GBE1: variants seen among roughly 807,000 people sequenced by gnomAD.
The protein encoded by GBE1 is 1,4-alpha-glucan branching enzyme 1.
Under a neutral mutation model 88.8 loss-of-function variants are expected in GBE1, and 70 were observed. The ratio of observed to expected loss-of-function variants is 0.79; its 90% CI spans 0.65 to 0.96. The LOEUF (loss-of-function observed/expected upper bound fraction) is 0.96, where lower values mean the gene tolerates loss of function less well. Ranked by LOEUF, GBE1 falls within the 40% of genes least tolerant of loss-of-function variation. The probability of loss-of-function intolerance (pLI) is 0.00; values close to 1 mark genes in which losing one functional copy is unlikely to be tolerated. For missense variants in GBE1, 872 were observed against 871.0 expected, an observed-to-expected ratio of 1.00 and a Z score of -0.01; for synonymous variants, 284 against 300.1, an observed-to-expected ratio of 0.95 and a Z score of 0.56.
At chr3:81,591,821 T>C (rs1703882274) in intron 8 of GBE1, among the ~76,000 whole-genome samples, 1 of 152,122 alleles carries the variant, frequency 6.6e-6, no homozygotes. Flanking sequence ...ATCAGCCTTT[T>C]ACCATTTCTC....
chr3:81,728,243 A>T (rs1706138983), intron 1 of GBE1, among the ~76,000 whole-genome samples: 1 of 152,176 alleles, frequency 6.6e-6, no homozygotes, highest in African/African-American at 2.4e-5. Flanking sequence ...CTGTCATCCT[A>T]AAGATAAGTA....
intron 2 of GBE1, among the ~76,000 whole-genome samples, chr3:81,698,518 T>A (rs1428740303): frequency 6.6e-6 from 1 of 152,262 alleles, no homozygotes; most frequent in African/African-American, 2.4e-5. Flanking sequence ...CTTTTCTTTT[T>A]AAGTTCATAC....
rs1553696675 is a variant in GBE1, at chr3:81,750,682, T to TATAC, written c.143+10692_143+10693insGTAT. Among the ~76,000 whole-genome samples, 8 of 73,700 alleles carry TATAC rather than the reference T, an allele frequency of 1.1e-4. No homozygotes were observed. The East Asian group carries it at 2.1e-3, about 19-fold the overall frequency. The allele number at this position is 73,700 out of a possible 152,430, so 48.4% of individuals were successfully genotyped here. ...ATGTATATATATATATACGTATATA[T>TATAC]ATATATATATATGTATTTTTTTTTT... On this transcript the variant is annotated intron_variant, in intron 1 of 15. Transcript: ENST00000429644.
At chr3:81,755,898 A>T (rs561182520) in intron 1 of GBE1, among the ~76,000 whole-genome samples, 2 of 152,142 alleles carry the variant, frequency 1.3e-5, no homozygotes, top group Non-Finnish European at 1.5e-5. Context: ...TAAAAATGGT[A>T]AAAATGGTGA....
chr3:81,702,111 GTGTGTGTGTGTGT>G lies in GBE1; in HGVS notation c.313+3320_313+3332del, dbSNP rs1346885014. Among the ~76,000 whole-genome samples the G allele has an allele frequency of 1.6e-4, 3 of 19,114 alleles. No homozygotes were observed. The African/African-American group carries it at 2.8e-3, about 18-fold the overall frequency. 12.5% of individuals were successfully genotyped at this position (19,114 alleles called of 152,430 possible). A position where few individuals can be genotyped will look rare whatever the true frequency, so the allele number is the denominator to read the frequency against. ...AGAGAGAGAGAGAGAGAGTGTGTGTGTGTGTGTGTGTGTGTGTGTGTGTGTGTGTGTGTGTGTG... is the reference window on the plus strand; with the variant it reads ...AGAGAGAGAGAGAGAGAGTGTGTGTGGTGTGTGTGTGTGTGTGTGTGTGTG... On this transcript the variant is annotated intron_variant, in intron 2 of 15. Transcript: ENST00000429644.
At chr3:81,490,719 T>A (rs1464434486) in intron 15 of GBE1, among the ~76,000 whole-genome samples, 1 of 152,020 alleles carries the variant, frequency 6.6e-6, no homozygotes, top group Non-Finnish European at 1.5e-5. Context: ...AAGAATGACG[T>A]GAATGGCCCT....
chr3:81,650,099 T>C (rs1704823638), intron 3 of GBE1, 178 bp from the exon 4 acceptor site: 1 of 471,836 alleles, frequency 2.1e-6, no homozygotes, highest in Non-Finnish European at 3.7e-6. Flanking sequence ...TCTCATCTGC[T>C]GTTACTATAT....
intron 5 of GBE1, among the ~76,000 whole-genome samples, chr3:81,647,872 A>C (rs1704788840): frequency 6.6e-6 from 1 of 152,128 alleles, no homozygotes; most frequent in African/African-American, 2.4e-5. Flanking sequence ...CTTTCATTCC[A>C]GGTACTAGGC....
rs552731917 is a variant in GBE1, at chr3:81,585,643, T to C, written c.1335+449A>G. Among the ~76,000 whole-genome samples the C allele has an allele frequency of 2.9e-4, 44 of 152,282 alleles. 1 individual carries two copies. Among genetic ancestry groups the C allele is most frequent in the African/African-American group, 8.2e-4 (34 of 41,566 alleles). On this transcript the variant is annotated intron_variant, in intron 10 of 15. Coordinates refer to ENST00000429644, the MANE Select transcript of GBE1 (RefSeq NM_000158.4). The stretch of plus-strand genomic sequence containing the variant: ...CTGACAAATGGTAAGGACTTTTTAA[T>C]GTTGAATAAAGGAATGGATGAATCC...
At chr3:81,679,782 T>A (rs1185655097) in intron 2 of GBE1, among the ~76,000 whole-genome samples, 1 of 152,228 alleles carries the variant, frequency 6.6e-6, no homozygotes, top group Non-Finnish European at 1.5e-5. Flanking sequence ...TTTATTGAAA[T>A]GAAGTTCGTC....
At chr3:81,666,302 G>A (rs1705113330) in intron 3 of GBE1, among the ~76,000 whole-genome samples, 1 of 152,154 alleles carries the variant, frequency 6.6e-6, no homozygotes. Flanking sequence ...GGAGGGCCAG[G>A]CCATTAATGA....
At chr3:81,659,281 T>C (rs2107093312) in intron 3 of GBE1, among the ~76,000 whole-genome samples, 1 of 152,194 alleles carries the variant, frequency 6.6e-6, no homozygotes, top group Admixed American at 6.5e-5. Context: ...TATGTGGTAA[T>C]AAATTCAATC....
At chr3:81,608,806 G>C (rs913691299) in intron 7 of GBE1, among the ~76,000 whole-genome samples, 2 of 152,192 alleles carry the variant, frequency 1.3e-5, no homozygotes, top group East Asian at 3.8e-4. Flanking sequence ...TGGTAGGGTA[G>C]AGGGTAGTCA....
intron 2 of GBE1, among the ~76,000 whole-genome samples, chr3:81,685,586 T>A (rs1705422058): frequency 6.6e-6 from 1 of 152,144 alleles, no homozygotes; most frequent in Non-Finnish European, 1.5e-5. Context: ...TTCACCACGT[T>A]GGCCAGGCTA....
rs555018112 is a variant in GBE1, at chr3:81,619,365, T to C, written c.992+23416A>G. On this transcript the variant is annotated intron_variant, in intron 7 of 15. Transcript: ENST00000429644. ...TAGATGGAACAAAATGGTTTTATGGTCTTCTGCTATATCTATCCATGTTGA... is the reference window on the plus strand; with the variant it reads ...TAGATGGAACAAAATGGTTTTATGGCCTTCTGCTATATCTATCCATGTTGA... Among the ~76,000 whole-genome samples the C allele has an allele frequency of 1.5e-3, 236 of 152,266 alleles. 2 individuals are homozygous for C. The highest frequency in any genetic ancestry group is 2.5e-3 in the Non-Finnish European group (168 of 67,974).
At chr3:81,668,244 G>A (rs1053849772) in intron 3 of GBE1, among the ~76,000 whole-genome samples, 3 of 152,008 alleles carry the variant, frequency 2.0e-5, no homozygotes, top group Non-Finnish European at 4.4e-5. Flanking sequence ...GGAACTCAGA[G>A]AACGGGTCAG....
chr3:81,590,015 C>T (rs1005526141), intron 9 of GBE1, among the ~76,000 whole-genome samples: 6 of 151,772 alleles, frequency 4.0e-5, no homozygotes, highest in African/African-American at 1.2e-4. Context: ...TATATAAGAA[C>T]GAATTTCAGG....
At chr3:81,524,469 C>T (rs535321823) in intron 14 of GBE1, among the ~76,000 whole-genome samples, 3 of 151,814 alleles carry the variant, frequency 2.0e-5, no homozygotes, top group Non-Finnish European at 4.4e-5. Context: ...TGTGCAGAAG[C>T]TTTTTAACTT....
chr3:81,580,630 T>C (rs1703714237), intron 11 of GBE1, among the ~76,000 whole-genome samples: 1 of 152,078 alleles, frequency 6.6e-6, no homozygotes, highest in Non-Finnish European at 1.5e-5. Context: ...TCGACCAGTA[T>C]ATCTGGGTTG....
Sources: allele counts gnomAD v4.1 joint callset (sites outside exome capture counted in the v4.1 genomes callset), GRCh38; gene constraint gnomAD v4.1.1; transcripts MANE v1.5; gene names NCBI Gene and HGNC (gene_info 2026-07-23, HGNC 2026-07-21).